The following LGSN variants were observed in gnomAD, a reference collection of about 807,000 sequenced individuals.
LGSN encodes the protein lengsin, lens protein with glutamine synthetase domain.
LGSN carries 21 observed loss-of-function variants against 19.5 expected under a neutral mutation model. The ratio of observed to expected loss-of-function variants is 1.07; its 90% CI spans 0.76 to 1.55. LGSN has a LOEUF of 1.55. LGSN is among the 40% of genes most tolerant of loss of function. LGSN has a pLI of 0.00. For synonymous variants in LGSN, 257 were observed against 215.6 expected (o/e 1.19, Z -1.68); for missense variants, 673 against 608.5 (o/e 1.11, Z -1.12).
the LGSN span, among the ~76,000 whole-genome samples, chr6:63,445,611 C>T: frequency 6.6e-6 from 1 of 151,872 alleles, no homozygotes; most frequent in South Asian, 2.1e-4. Flanking sequence ...GAACAAGACC[C>T]TGTCTCAAAA....
chr6:63,465,017 A>T, the LGSN span, among the ~76,000 whole-genome samples: 2 of 117,018 alleles, frequency 1.7e-5, no homozygotes. Flanking sequence ...CAAGAGCGAG[A>T]TTCTGTCTCA....
chr6:63,384,881 A>G, the LGSN span, among the ~76,000 whole-genome samples: 2 of 152,200 alleles, frequency 1.3e-5, no homozygotes, highest in African/African-American at 4.8e-5. Flanking sequence ...CCCTAATCCA[A>G]TCTGACTGAT....
the LGSN span, among the ~76,000 whole-genome samples, chr6:63,329,122 G>A: frequency 2.6e-5 from 4 of 152,316 alleles, no homozygotes; most frequent in African/African-American, 7.2e-5. Context: ...CTTCTGAACT[G>A]GTAGCCAGAA....
chr6:63,291,548 T>C (rs1447092514), intron 2 of LGSN, among the ~76,000 whole-genome samples: 1 of 152,192 alleles, frequency 6.6e-6, no homozygotes, highest in Non-Finnish European at 1.5e-5. Flanking sequence ...CTCTCTGCCA[T>C]TCTGTTCTCC....
chr6:63,560,975 C>CT, the LGSN span, among the ~76,000 whole-genome samples: 1 of 152,152 alleles, frequency 6.6e-6, no homozygotes. Context: ...TTTTACTAAA[C>CT]TCATGGAAGG....
chr6:63,409,855 G>A, the LGSN span, among the ~76,000 whole-genome samples: 1 of 152,220 alleles, frequency 6.6e-6, no homozygotes, highest in African/African-American at 2.4e-5. Flanking sequence ...GGCCAACATG[G>A]CGAAACCTCA....
At chr6:63,529,398 C>T in the LGSN span, among the ~76,000 whole-genome samples, 10 of 151,924 alleles carry the variant, frequency 6.6e-5, no homozygotes, top group African/African-American at 2.4e-4. Context: ...CAAGCAGAAA[C>T]TTTTCAATTC....
At chr6:63,355,312 G>T in the LGSN span, among the ~76,000 whole-genome samples, 1 of 152,200 alleles carries the variant, frequency 6.6e-6, no homozygotes, top group Admixed American at 6.5e-5. Flanking sequence ...TGTATTGAGT[G>T]CTGGGCACTG....
chr6:63,498,989 A>G, the LGSN span, among the ~76,000 whole-genome samples: 1 of 152,112 alleles, frequency 6.6e-6, no homozygotes, highest in African/African-American at 2.4e-5. Context: ...TTAAAACTCT[A>G]CATTAAATTA....
the LGSN span, among the ~76,000 whole-genome samples, chr6:63,345,538 T>C: frequency 6.6e-6 from 1 of 152,206 alleles, no homozygotes; most frequent in Non-Finnish European, 1.5e-5. Context: ...AGATCCCTTT[T>C]CTTTATGTCT....
chr6:63,492,467 C>T, the LGSN span, among the ~76,000 whole-genome samples: 4 of 152,220 alleles, frequency 2.6e-5, no homozygotes, highest in Admixed American at 2.6e-4. Context: ...CACTTGTGCA[C>T]CTAACTGTTG....
the LGSN span, among the ~76,000 whole-genome samples, chr6:63,431,848 C>T: frequency 6.6e-6 from 1 of 151,350 alleles, no homozygotes; most frequent in Non-Finnish European, 1.5e-5. Context: ...AGGCGAATCA[C>T]TTGAGGTCAG....
At chr6:63,347,037 T>C in the LGSN span, among the ~76,000 whole-genome samples, 1 of 152,128 alleles carries the variant, frequency 6.6e-6, no homozygotes, top group Admixed American at 6.6e-5. Flanking sequence ...AAAAGTTGCC[T>C]CATTAGAACA....
chr6:63,517,734 G>A, the LGSN span, among the ~76,000 whole-genome samples: 1 of 152,096 alleles, frequency 6.6e-6, no homozygotes, highest in African/African-American at 2.4e-5. Flanking sequence ...CACAGACACT[G>A]ATGGAGAATT....
intron 2 of LGSN, among the ~76,000 whole-genome samples, chr6:63,286,953 A>G (rs1436108218): frequency 6.6e-6 from 1 of 152,240 alleles, no homozygotes; most frequent in Non-Finnish European, 1.5e-5. Flanking sequence ...CAATTACTCT[A>G]GCCCAAGTAA....
chr6:63,513,846 G>T, the LGSN span, among the ~76,000 whole-genome samples: 1 of 149,658 alleles, frequency 6.7e-6, no homozygotes, highest in Non-Finnish European at 1.5e-5. Context: ...AGGAGGCAGA[G>T]GTGTCCGTGA....
intron 3 of LGSN, among the ~76,000 whole-genome samples, chr6:63,284,684 A>AT (rs146953093): frequency 0.016 from 2,422 of 152,260 alleles, 70 homozygotes; most frequent in African/African-American, 0.056. Flanking sequence ...GAAAATCCTC[A>AT]TTTTTTATAA....
the LGSN span, chr6:63,550,475 A>C: frequency 6.6e-6 from 1 of 152,218 alleles, no homozygotes; most frequent in African/African-American, 2.4e-5. Context: ...CTGAAGAAAG[A>C]ACCCTGCTAC....
At chr6:63,497,215 G>A in the LGSN span, among the ~76,000 whole-genome samples, 5 of 151,728 alleles carry the variant, frequency 3.3e-5, no homozygotes, top group Admixed American at 6.6e-5. Context: ...GGCCTCAAGC[G>A]AGGCCTCAGC....
Sources: allele counts gnomAD v4.1 joint callset (sites outside exome capture counted in the v4.1 genomes callset), GRCh38; gene constraint gnomAD v4.1.1; transcripts MANE v1.5; gene names NCBI Gene and HGNC (gene_info 2026-07-23, HGNC 2026-07-21).